PTPRG: variants seen among roughly 807,000 people sequenced by gnomAD.
The protein encoded by PTPRG is protein tyrosine phosphatase receptor type G, also known as receptor-type tyrosine-protein phosphatase gamma.
PTPRG carries 102 observed loss-of-function variants against 165.3 expected under a neutral mutation model. That is an observed-to-expected ratio of 0.62 (90% CI 0.53 to 0.73). The LOEUF (loss-of-function observed/expected upper bound fraction) is 0.73. Ranked by LOEUF, PTPRG falls within the 30% of genes least tolerant of loss-of-function variation. The probability of loss-of-function intolerance (pLI) is 0.00; values close to 1 mark genes in which losing one functional copy is unlikely to be tolerated. For missense variants in PTPRG, 1,866 were observed against 1,861.4 expected, an observed-to-expected ratio of 1.00 and a Z score of -0.05; for synonymous variants, 675 against 669.5, an observed-to-expected ratio of 1.01 and a Z score of -0.13.
chr3:61,747,784 T>A (rs746758917), intron 1 of PTPRG, among the ~76,000 whole-genome samples: 5 of 152,144 alleles, frequency 3.3e-5, no homozygotes, highest in African/African-American at 1.2e-4. Flanking sequence ...CCCAAAACTT[T>A]CTTAAATTTT....
intron 4 of PTPRG, among the ~76,000 whole-genome samples, chr3:62,020,820 G>A (rs114327949): frequency 0.011 from 1,640 of 150,576 alleles, 24 homozygotes; most frequent in African/African-American, 0.038. Context: ...CTCAAGGAAT[G>A]TGTCACCATG....
chr3:61,742,981 G>C, intron 1 of PTPRG: 1 of 1,516,228 alleles, frequency 6.6e-7, no homozygotes, highest in Non-Finnish European at 9.2e-7. Context: ...GTCCTTCTGG[G>C]GGTCATAGTT....
At chr3:61,966,116 A>T (rs909366784) in intron 2 of PTPRG, among the ~76,000 whole-genome samples, 4 of 152,246 alleles carry the variant, frequency 2.6e-5, no homozygotes, top group African/African-American at 4.8e-5. Flanking sequence ...TGTGACTTGC[A>T]TGTCAACAAG....
intron 2 of PTPRG, among the ~76,000 whole-genome samples, chr3:61,984,096 C>G (rs529225017): frequency 6.6e-6 from 1 of 152,044 alleles, no homozygotes; most frequent in Non-Finnish European, 1.5e-5. Flanking sequence ...GAATTAATCT[C>G]CAATTGTGTG....
intron 1 of PTPRG, among the ~76,000 whole-genome samples, chr3:61,583,534 C>T (rs1700357122): frequency 6.6e-6 from 1 of 152,132 alleles, no homozygotes; most frequent in Non-Finnish European, 1.5e-5. Context: ...TTATTTTTGC[C>T]TGCCTAGCAT....
chr3:62,282,740 T>C lies in PTPRG; in HGVS notation c.3926T>C (p.Leu1309Ser), dbSNP rs947365732. 1.9e-6 allele frequency: 3 copies of C among 1,611,606 alleles called. No homozygotes were observed. Among genetic ancestry groups the C allele is most frequent in the Non-Finnish European group, 2.5e-6 (3 of 1,178,958 alleles). Residue 1309 changes from leucine to serine, a missense_variant, in exon 28 of 30, where the codon TTA becomes TCA. By Grantham distance (145) the Leu-to-Ser change is moderately radical. Coordinates refer to ENST00000474889, the MANE Select transcript of PTPRG (RefSeq NM_002841.4). ...TATTGGTTACAGGATGACTATGTCT[T>C]AGAAGTTCGGCACTTTCAGTGTCCC... ...ILEATQDDYV[L>S]EVRHFQCPKW...
chr3:62,084,585 A>G (rs965639162), intron 5 of PTPRG, among the ~76,000 whole-genome samples: 24 of 152,210 alleles, frequency 1.6e-4, no homozygotes, highest in Non-Finnish European at 4.4e-5. Context: ...GGAGAGGCTT[A>G]GTAATTAAAT....
rs1231014002 is a variant in PTPRG at position 61,562,337 on chromosome 3, C to T, written c.50C>T (p.Thr17Ile). 2 of 1,613,610 alleles carry T rather than the reference C, an allele frequency of 1.2e-6. No homozygotes were observed. The highest frequency in any genetic ancestry group is 1.1e-5 in the South Asian group (1 of 91,084). ...TGGTGGATTTTGTTCCTGAAAATCA[C>T]CAGTTCCGTGCTCCATTATGTCGTG... is the stretch of plus-strand genomic sequence containing the variant. ...PCWWILFLKI[T>I]SSVLHYVVCF... Residue 17 changes from threonine to isoleucine, a missense_variant, in exon 1 of 30, where the codon ACC becomes ATC. Transcript: ENST00000474889.
intron 12 of PTPRG, among the ~76,000 whole-genome samples, chr3:62,212,025 G>T (rs1238772224): frequency 6.6e-6 from 1 of 151,638 alleles, no homozygotes; most frequent in Admixed American, 6.6e-5. Context: ...GCTGGGTGCT[G>T]AAATAAAGAC....
intron 1 of PTPRG, among the ~76,000 whole-genome samples, chr3:61,593,320 T>A (rs182680868): frequency 6.6e-6 from 1 of 152,010 alleles, no homozygotes; most frequent in East Asian, 1.9e-4. Context: ...CATGATGAAT[T>A]GCTTTTAGAT....
Position 61,752,146 on chromosome 3 carries a change from G to A in PTPRG, c.190+3164G>A, listed in dbSNP as rs149925286. On this transcript the variant is annotated intron_variant, in intron 2 of 29. Coordinates refer to ENST00000474889, the MANE Select transcript of PTPRG (RefSeq NM_002841.4). ...AGTGTCGCGATTGACAGTGGGTGATGACTGGATAGTTCTGAGAGCTGAACA... is the reference window on the plus strand; with the variant it reads ...AGTGTCGCGATTGACAGTGGGTGATAACTGGATAGTTCTGAGAGCTGAACA... 5.6e-3 allele frequency among the ~76,000 whole-genome samples: 858 copies of A among 152,322 alleles called. 5 individuals carry two copies. The highest frequency in any genetic ancestry group is 9.1e-3 in the Non-Finnish European group (621 of 68,030).
chr3:62,088,699 A>C (rs1701830854), intron 5 of PTPRG, among the ~76,000 whole-genome samples: 1 of 152,242 alleles, frequency 6.6e-6, no homozygotes, highest in Non-Finnish European at 1.5e-5. Flanking sequence ...GAGCATGTAC[A>C]AATGCTTTTG....
intron 2 of PTPRG, among the ~76,000 whole-genome samples, chr3:61,765,324 T>C (rs1422835126): frequency 2.6e-5 from 4 of 152,210 alleles, no homozygotes; most frequent in Non-Finnish European, 5.9e-5. Context: ...CCTCGTAATG[T>C]CACATGGAGG....
chr3:61,619,024 G>C (rs1189992215), intron 1 of PTPRG, among the ~76,000 whole-genome samples: 1 of 151,000 alleles, frequency 6.6e-6, no homozygotes, highest in Non-Finnish European at 1.5e-5. Context: ...TGGTGTGTTG[G>C]TGCGCATCTG....
At chr3:62,267,892 G>C in intron 19 of PTPRG, 73 bp downstream of exon 19, 1 of 1,520,380 alleles carries the variant, frequency 6.6e-7, no homozygotes, top group African/African-American at 1.4e-5. Flanking sequence ...ACCTGCTTTA[G>C]GGTAGGAACT....
chr3:61,836,548 T>G (rs549318669), intron 2 of PTPRG, among the ~76,000 whole-genome samples: 16 of 152,222 alleles, frequency 1.1e-4, no homozygotes, highest in Admixed American at 3.3e-4. Context: ...CCGGGTACTT[T>G]GCATAATGCC....
At chr3:61,816,436 G>T (rs1343291917) in intron 2 of PTPRG, among the ~76,000 whole-genome samples, 1 of 152,144 alleles carries the variant, frequency 6.6e-6, no homozygotes, top group Non-Finnish European at 1.5e-5. Flanking sequence ...GGAGGCTGAG[G>T]CAGGGGAATC....
chr3:62,262,547 A>G (rs1433799072), intron 16 of PTPRG: 2 of 362,320 alleles, frequency 5.5e-6, no homozygotes, highest in African/African-American at 2.1e-5. Context: ...ATTGTTTTAC[A>G]TCTCAGGGAC....
At chr3:62,114,583 G>A (rs1702793063) in intron 5 of PTPRG, among the ~76,000 whole-genome samples, 2 of 152,172 alleles carry the variant, frequency 1.3e-5, no homozygotes, top group African/African-American at 4.8e-5. Flanking sequence ...ATGTAACAGA[G>A]TCAGTAAGAA....
Sources: allele counts gnomAD v4.1 joint callset (sites outside exome capture counted in the v4.1 genomes callset), GRCh38; gene constraint gnomAD v4.1.1; transcripts MANE v1.5; gene names NCBI Gene and HGNC (gene_info 2026-07-23, HGNC 2026-07-21).